Variants in TMEM267 observed in about 807,000 individuals in gnomAD.
The protein encoded by TMEM267 is transmembrane protein 267.
Under a neutral mutation model 19.3 loss-of-function variants are expected in TMEM267, and 20 were observed. The observed-to-expected ratio is 1.04, with a 90% confidence interval of 0.73 to 1.51. The LOEUF (loss-of-function observed/expected upper bound fraction) is 1.51. Among genes scored for constraint, TMEM267 ranks in the 40% most tolerant of loss-of-function variants. The pLI, the probability that TMEM267 is intolerant of heterozygous loss-of-function variation, is 0.00. For missense variants in TMEM267, 242 were observed against 261.9 expected (o/e 0.92, Z 0.52); for synonymous variants, 88 against 90.3 (o/e 0.97, Z 0.15).
chr5:43,456,337 G>A (rs1742950095), intron 1 of TMEM267, among the ~76,000 whole-genome samples: 1 of 151,922 alleles, frequency 6.6e-6, no homozygotes, highest in Middle Eastern at 3.4e-3. Flanking sequence ...AAAATTTCTG[G>A]AAAAAAACAT....
At chr5:43,457,936 T>C (rs2112076407) in intron 1 of TMEM267, among the ~76,000 whole-genome samples, 1 of 152,322 alleles carries the variant, frequency 6.6e-6, no homozygotes. Flanking sequence ...TCTCACTGTG[T>C]TGCCCACACT....
intron 1 of TMEM267, among the ~76,000 whole-genome samples, chr5:43,461,376 G>GA (rs898922651): frequency 6.6e-6 from 1 of 152,064 alleles, no homozygotes; most frequent in Non-Finnish European, 1.5e-5. Flanking sequence ...GTGGCTATGG[G>GA]AAAAAACTCC....
At chr5:43,449,883 C>G (rs944226407) in intron 2 of TMEM267, among the ~76,000 whole-genome samples, 1 of 152,074 alleles carries the variant, frequency 6.6e-6, no homozygotes, top group African/African-American at 2.4e-5. Context: ...CATACTGATT[C>G]TTTACACTCT....
chr5:43,475,237 C>G (rs1744340392), intron 1 of TMEM267, among the ~76,000 whole-genome samples: 1 of 152,122 alleles, frequency 6.6e-6, no homozygotes, highest in Admixed American at 6.5e-5. Context: ...ATGGATGAAG[C>G]TGGAAACCAT....
intron 1 of TMEM267, among the ~76,000 whole-genome samples, chr5:43,472,789 G>T (rs1231928519): frequency 2.0e-5 from 3 of 149,280 alleles, no homozygotes; most frequent in Non-Finnish European, 3.0e-5. Context: ...CATTACCAGA[G>T]GCTGTGAAGG....
chr5:43,463,098 A>G (rs1386291961), intron 1 of TMEM267, among the ~76,000 whole-genome samples: 4 of 152,256 alleles, frequency 2.6e-5, no homozygotes, highest in African/African-American at 9.6e-5. Context: ...AAAAAATGAT[A>G]AAGGGGATAT....
chr5:43,452,504 T>C (rs1485843966), intron 2 of TMEM267, among the ~76,000 whole-genome samples: 1 of 150,294 alleles, frequency 6.7e-6, no homozygotes, highest in Non-Finnish European at 1.5e-5. Flanking sequence ...AGCATTAGAG[T>C]GACAGGTACA....
Position 43,453,117 on chromosome 5 carries a change from G to A in TMEM267, c.312+541C>T, listed in dbSNP as rs143892706. 4.4e-4 allele frequency among the ~76,000 whole-genome samples: 67 copies of A among 152,332 alleles called. 2 individuals are homozygous for A. The highest frequency in any genetic ancestry group is 1.4e-3 in the African/African-American group (57 of 41,586). On this transcript the variant is annotated intron_variant, in intron 2 of 2. Coordinates refer to ENST00000397080, the MANE Select transcript of TMEM267 (RefSeq NM_022483.5). ...AAGGGACTGTGTTCTAGCCAGTCCA[G>A]TTGAAATACATGCCTTTCGCTCCAA... is the stretch of plus-strand genomic sequence containing the variant.
At chr5:43,452,077 C>CAAAAAAAAAAAAAAAAAA (rs375224453) in intron 2 of TMEM267, among the ~76,000 whole-genome samples, 1 of 86,534 alleles carries the variant, frequency 1.2e-5, no homozygotes. Flanking sequence ...GACCCTATCT[C>CAAAAAAAAAAAAAAAAAA]AAAAAAAAAA....
chr5:43,465,900 C>T (rs1171663192), intron 1 of TMEM267, among the ~76,000 whole-genome samples: 1 of 150,336 alleles, frequency 6.7e-6, no homozygotes, highest in East Asian at 1.9e-4. Flanking sequence ...CACATGTATA[C>T]ATATGTAACA....
At position 43,446,521 on chromosome 5, in the gene TMEM267, A is replaced by G. The variant is rs1313522830; in HGVS notation, c.349T>C (p.Cys117Arg). Residue 117 changes from cysteine to arginine, a missense_variant, in exon 3 of 3, where the codon TGT (cysteine) becomes CGT (arginine). Physicochemically the swap from Cys to Arg is radical, Grantham distance 180. Coordinates refer to ENST00000397080, the MANE Select transcript of TMEM267 (RefSeq NM_022483.5). ...ACCACAACGGGAATCACAGTAGAAC[A>G]GTGAAGGAAAGGTCTTCGCGGGAGA... ...LTLPRRPFLH[C>R]STVIPVVVLT... 6.2e-7 allele frequency: 1 copy of G among 1,613,062 alleles called. No homozygotes were observed. The highest frequency in any genetic ancestry group is 1.1e-5 in the South Asian group (1 of 90,978).
intron 1 of TMEM267, among the ~76,000 whole-genome samples, chr5:43,467,821 G>A (rs1165346509): frequency 6.6e-6 from 1 of 152,112 alleles, no homozygotes; most frequent in Non-Finnish European, 1.5e-5. Flanking sequence ...TATTCTGATT[G>A]CCTTCTTGGG....
chr5:43,482,892 C>T (rs533634302), intron 1 of TMEM267, among the ~76,000 whole-genome samples: 21 of 152,184 alleles, frequency 1.4e-4, no homozygotes, highest in Non-Finnish European at 2.9e-4. Flanking sequence ...ATCTCTTAGA[C>T]ATTATTTCTG....
rs960681004 is a variant in TMEM267 at position 43,445,847 on chromosome 5, T to C, written c.*375A>G. Reference sequence around the variant, plus strand: ...AATATAATGTTAACTCTTTACAAATTAGTTACCCTAAAATTTGAGCTGTTT... The same window carrying C: ...AATATAATGTTAACTCTTTACAAATCAGTTACCCTAAAATTTGAGCTGTTT... On this transcript the variant is annotated 3_prime_UTR_variant, in exon 3 of 3. Transcript: ENST00000397080. The C allele has an allele frequency of 6.5e-6, 1 of 154,012 alleles. No homozygotes were observed. Among genetic ancestry groups the C allele is most frequent in the Non-Finnish European group, 1.4e-5 (1 of 69,348 alleles). The allele number at this position is 154,012 out of a possible 1,614,324, so 9.5% of individuals were successfully genotyped here. A position where few individuals can be genotyped will look rare whatever the true frequency, so the allele number is the denominator to read the frequency against.
intron 1 of TMEM267, among the ~76,000 whole-genome samples, chr5:43,457,114 A>AACGG (rs1491099680): frequency 7.2e-5 from 11 of 152,264 alleles, no homozygotes; most frequent in Non-Finnish European, 1.3e-4. Flanking sequence ...AACAAAAATT[A>AACGG]CACAGTTAAA....
chr5:43,481,984 A>T (rs1051302014), intron 1 of TMEM267, among the ~76,000 whole-genome samples: 1 of 152,106 alleles, frequency 6.6e-6, no homozygotes, highest in Non-Finnish European at 1.5e-5. Context: ...CTGGGACTAC[A>T]GGCGCCCGCC....
At chr5:43,453,147 G>T (rs147270562) in intron 2 of TMEM267, among the ~76,000 whole-genome samples, 2 of 152,262 alleles carry the variant, frequency 1.3e-5, no homozygotes, top group Non-Finnish European at 2.9e-5. Flanking sequence ...CTCCAAAAGG[G>T]ACTGGGAGAA....
At chr5:43,449,631 A>G (rs1002919555) in intron 2 of TMEM267, among the ~76,000 whole-genome samples, 2 of 152,220 alleles carry the variant, frequency 1.3e-5, no homozygotes, top group African/African-American at 4.8e-5. Context: ...AGGCAATAGT[A>G]TTACACTGGC....
intron 2 of TMEM267, among the ~76,000 whole-genome samples, chr5:43,448,547 C>T (rs1018178400): frequency 1.1e-4 from 17 of 152,166 alleles, no homozygotes; most frequent in African/African-American, 2.9e-4. Flanking sequence ...GAGGCTGAGG[C>T]GGGCTGATCA....
Sources: allele counts gnomAD v4.1 joint callset (sites outside exome capture counted in the v4.1 genomes callset), GRCh38; gene constraint gnomAD v4.1.1; transcripts MANE v1.5; gene names NCBI Gene and HGNC (gene_info 2026-07-23, HGNC 2026-07-21).